Variants in MYBPC1 observed in about 807,000 individuals in gnomAD.
MYBPC1 encodes myosin-binding protein C, slow-type.
In MYBPC1, 52 loss-of-function variants were observed where a neutral mutation model predicts 147.1. The ratio of observed to expected loss-of-function variants is 0.35; its 90% CI spans 0.28 to 0.45. The LOEUF (loss-of-function observed/expected upper bound fraction) is 0.45. MYBPC1 is among the 20% of genes least tolerant of loss of function. The pLI, the probability that MYBPC1 is intolerant of heterozygous loss-of-function variation, is 1.00. For missense variants in MYBPC1, 1,228 were observed against 1,440.3 expected, an observed-to-expected ratio of 0.85 and a Z score of 2.39; for synonymous variants, 477 against 475.9, an observed-to-expected ratio of 1.00 and a Z score of -0.03.
intron 1 of MYBPC1, chr12:101,600,248 T>C (rs1166416840): frequency 6.6e-6 from 1 of 152,130 alleles, no homozygotes; most frequent in Non-Finnish European, 1.5e-5. Flanking sequence ...CTTACAATCC[T>C]TTATGCTCTC....
chr12:101,648,155 A>G lies in MYBPC1; in HGVS notation c.1196+5A>G. The G allele has an allele frequency of 1.9e-6, 3 of 1,597,130 alleles. No homozygotes were observed. The highest frequency in any genetic ancestry group is 2.6e-6 in the Non-Finnish European group (3 of 1,166,118). On this transcript the variant is annotated splice_donor_5th_base_variant and intron_variant, in intron 14 of 31. Transcript: ENST00000361466. ...AGATGATGCCAATGTAAAATGGTAA[A>G]TAGCCTTAATGAAGTCTGTCCATGT...
At chr12:101,645,848 A>T (rs1252201325) in intron 12 of MYBPC1, among the ~76,000 whole-genome samples, 1 of 152,210 alleles carries the variant, frequency 6.6e-6, no homozygotes. Flanking sequence ...AAATACTCAC[A>T]TTCTTTCTTA....
At position 101,629,452 on chromosome 12, in the gene MYBPC1, C is replaced by T; in HGVS notation, c.197C>T (p.Thr66Ile). ...RKDSDWTLVETPPGEEQAKQN... is the reference protein window; with the variant it reads ...RKDSDWTLVEIPPGEEQAKQN... ...TCATCAGACTGGACCCTTGTCGAAACTCCTCCTGGGGAGGAACAAGCCAAG... is the reference window on the plus strand; with the variant it reads ...TCATCAGACTGGACCCTTGTCGAAATTCCTCCTGGGGAGGAACAAGCCAAG... Residue 66 changes from threonine (T) to isoleucine (I), a missense_variant, in exon 6 of 32, where the codon ACT (threonine) becomes ATT (isoleucine). Coordinates refer to ENST00000361466, the MANE Select transcript of MYBPC1 (RefSeq NM_002465.4). The T allele has an allele frequency of 6.2e-7, 1 of 1,612,508 alleles. No homozygotes were observed. Among genetic ancestry groups the T allele is most frequent in the Non-Finnish European group, 8.5e-7 (1 of 1,178,576 alleles).
In MYBPC1 at chr12:101,653,132, C is replaced by T. The variant is rs141026830; in HGVS notation, c.1651C>T (p.Leu551=). 2.8e-4 allele frequency: 459 copies of T among 1,614,014 alleles called. 3 individuals are homozygous for T. The South Asian group carries it at 3.7e-3, about 13-fold the overall frequency. ...TATTCTAGATCCTCCTAAGATCATC[C>T]TGGATGGTCTTGATGCTGACAACAC... ...VHVIDPPKII[L]DGLDADNTVT... The change falls in exon 18 of 32, where the codon CTG becomes TTG. Residue 551 remains leucine (L), a synonymous_variant. Coordinates refer to ENST00000361466, the MANE Select transcript of MYBPC1 (RefSeq NM_002465.4).
intron 3 of MYBPC1, among the ~76,000 whole-genome samples, chr12:101,621,182 C>G (rs1443147670): frequency 3.3e-5 from 5 of 152,160 alleles, no homozygotes; most frequent in Non-Finnish European, 7.3e-5. Flanking sequence ...GTCAATCAGC[C>G]ATCTACTAAA....
chr12:101,680,382 G>A lies in MYBPC1; in HGVS notation c.3286G>A (p.Asp1096Asn). The A allele has an allele frequency of 6.2e-7, 1 of 1,614,070 alleles. No homozygotes were observed. Among genetic ancestry groups the A allele is most frequent in the Non-Finnish European group, 8.5e-7 (1 of 1,179,986 alleles). Residue 1096 changes from aspartate (D) to asparagine (N), a missense_variant, in exon 29 of 32, where the codon GAT (aspartate) becomes AAT (asparagine). This residue lies in a region of MYBPC1 where 1,077 missense variants were observed against 1,314.2 expected (regional missense o/e 0.82). Coordinates refer to ENST00000361466, the MANE Select transcript of MYBPC1 (RefSeq NM_002465.4). ...TWMKNKVAIVDDPRYRMFSNQ... is the reference protein window; with the variant it reads ...TWMKNKVAIVNDPRYRMFSNQ... ...GATGAAAAACAAAGTTGCTATTGTGGATGATCCAAGATACAGGATGTTCAG... is the reference window on the plus strand; with the variant it reads ...GATGAAAAACAAAGTTGCTATTGTGAATGATCCAAGATACAGGATGTTCAG...
chr12:101,636,779 C>T, intron 10 of MYBPC1, 51 bp downstream of exon 10: 1 of 1,475,402 alleles, frequency 6.8e-7, no homozygotes, highest in Non-Finnish European at 9.5e-7. Flanking sequence ...GTCTTTCAGA[C>T]ACCCACTCAG....
At chr12:101,690,241 A>G (rs946731354), downstream of MYBPC1, among the ~76,000 whole-genome samples, 3 of 151,834 alleles carry the variant, frequency 2.0e-5, no homozygotes, top group Non-Finnish European at 1.5e-5. Flanking sequence ...TCTGCATTTT[A>G]ACAGGATCCC....
At chr12:101,615,457 G>A (rs1191903839) in intron 2 of MYBPC1, among the ~76,000 whole-genome samples, 1 of 152,118 alleles carries the variant, frequency 6.6e-6, no homozygotes, top group Non-Finnish European at 1.5e-5. Context: ...ACCCTTCAGA[G>A]GGATTCAGAC....
In MYBPC1 at chr12:101,646,377, T is replaced by C. The variant is rs181155170; in HGVS notation, c.966-386T>C. ...AAAATTATATCCCTGCTGGGCACGA[T>C]GGCTCACGCCTGTAATCCCAACACT... On this transcript the variant is annotated intron_variant, in intron 12 of 31. Transcript: ENST00000361466. Among the ~76,000 whole-genome samples the C allele has an allele frequency of 2.1e-4, 32 of 152,276 alleles. No homozygotes were observed. In the East Asian group the frequency reaches 5.4e-3, roughly 26 times the overall value.
chr12:101,635,244 A>G (rs1398664156), intron 9 of MYBPC1, among the ~76,000 whole-genome samples: 1 of 152,180 alleles, frequency 6.6e-6, no homozygotes, highest in African/African-American at 2.4e-5. Context: ...AAATATAACC[A>G]GCCCCTTCCT....
At chr12:101,656,460 G>C (rs117953188) in intron 18 of MYBPC1, among the ~76,000 whole-genome samples, 1 of 151,930 alleles carries the variant, frequency 6.6e-6, no homozygotes, top group Admixed American at 6.6e-5. Flanking sequence ...AAGAAACCCA[G>C]TTTAAATATA....
chr12:101,597,035 G>T (rs1260417538), intron 1 of MYBPC1, among the ~76,000 whole-genome samples: 1 of 152,160 alleles, frequency 6.6e-6, no homozygotes, highest in African/African-American at 2.4e-5. Flanking sequence ...ATTCTTAAAG[G>T]AACTGTACCT....
rs1367280107 is a variant in MYBPC1 at position 101,667,828 on chromosome 12, A to T, written c.2453A>T (p.Lys818Met). 1 of 1,614,194 alleles carries T rather than the reference A, an allele frequency of 6.2e-7. No homozygotes were observed. The highest frequency in any genetic ancestry group is 2.2e-5 in the East Asian group (1 of 44,876). Residue 818 changes from lysine (K) to methionine (M), a missense_variant, in exon 23 of 32, where the codon AAG becomes ATG. By Grantham distance (95) the Lys-to-Met change is moderately conservative (BLOSUM62 -1). Coordinates refer to ENST00000361466, the MANE Select transcript of MYBPC1 (RefSeq NM_002465.4). Reference protein sequence around the residue: ...PTDAKIFVRVKAVNAAGASEP... With the variant: ...PTDAKIFVRVMAVNAAGASEP... Reference sequence around the variant, plus strand: ...GATGCAAAGATCTTTGTGCGTGTGAAGGCTGTTAATGCAGCTGGTGCCAGC... The same window carrying T: ...GATGCAAAGATCTTTGTGCGTGTGATGGCTGTTAATGCAGCTGGTGCCAGC...
downstream of MYBPC1, among the ~76,000 whole-genome samples, chr12:101,688,869 C>T (rs906071142): frequency 4.0e-5 from 6 of 149,310 alleles, no homozygotes; most frequent in Non-Finnish European, 8.9e-5. Flanking sequence ...ATGAGAATAG[C>T]TTAAACCCAG....
chr12:101,646,535 A>C (rs1455671171), intron 12 of MYBPC1, among the ~76,000 whole-genome samples: 1 of 152,166 alleles, frequency 6.6e-6, no homozygotes, highest in African/African-American at 2.4e-5. Flanking sequence ...GCCACACGGG[A>C]GGCTGAGGCA....
At chr12:101,684,892 C>T (rs1219536706) in intron 31 of MYBPC1, among the ~76,000 whole-genome samples, 4 of 152,154 alleles carry the variant, frequency 2.6e-5, no homozygotes, top group Non-Finnish European at 5.9e-5. Context: ...TAGTAAAGCA[C>T]TTCACTAAAG....
chr12:101,626,940 T>C (rs775836306), intron 4 of MYBPC1, 30 bp downstream of exon 4: 1 of 1,584,632 alleles, frequency 6.3e-7, no homozygotes, highest in South Asian at 1.1e-5. Flanking sequence ...TTTTCCCTGC[T>C]TTTAAATATA....
At chr12:101,651,172 C>A in intron 15 of MYBPC1, 59 bp from the exon 16 acceptor site, 17 of 1,586,280 alleles carry the variant, frequency 1.1e-5, no homozygotes, top group Non-Finnish European at 1.4e-5. Context: ...TGAAATGCCA[C>A]CATCTTGGCC....
Sources: gnomAD v4.1 joint callset for allele counts (sites outside exome capture counted in the v4.1 genomes callset) on GRCh38, gnomAD v4.1.1 for gene constraint, gnomAD v4.1.1 regional missense constraint, MANE v1.5 for transcripts, NCBI Gene and HGNC (gene_info 2026-07-23, HGNC 2026-07-21) for gene names.